The following PLXNA1 variants were observed in gnomAD, a reference collection of about 807,000 sequenced individuals.
PLXNA1 encodes plexin A1, also known as plexin-A1.
A neutral mutation model predicts 191.7 loss-of-function variants in PLXNA1; 77 were observed. The observed-to-expected ratio is 0.40, with a 90% CI of 0.33 to 0.49. PLXNA1 has a LOEUF of 0.49. Among genes scored for constraint, PLXNA1 ranks in the 20% least tolerant of loss-of-function variants. The probability of loss-of-function intolerance (pLI) is 0.63; values close to 1 mark genes in which losing one functional copy is unlikely to be tolerated. For synonymous variants in PLXNA1, 1,137 were observed against 1,156.4 expected, an observed-to-expected ratio of 0.98 and a Z score of 0.34; for missense variants, 2,110 against 2,660.2, an observed-to-expected ratio of 0.79 and a Z score of 4.55.
In PLXNA1 at chr3:127,022,032, G is replaced by T; in HGVS notation, c.4039-53G>T. 3.2e-6 allele frequency: 5 copies of T among 1,579,878 alleles called. No homozygotes were observed. The Admixed American group carries it at 8.5e-5, about 27-fold the overall frequency. On this transcript the variant is annotated intron_variant, in intron 21 of 31. Transcript: ENST00000393409. ...TGGACAGCCCCTCACTGGTCAGCTT[G>T]GGGGCTGGGGCTGGGTGCTTCTCTG...
At chr3:126,988,260 C>T (rs900354179) in intron 1 of PLXNA1, among the ~76,000 whole-genome samples, 5 of 152,194 alleles carry the variant, frequency 3.3e-5, no homozygotes, top group African/African-American at 4.8e-5. Context: ...TCCTGGCCTC[C>T]GCCAGTGATG....
At chr3:126,994,569 C>T (rs1259837374) in intron 3 of PLXNA1, among the ~76,000 whole-genome samples, 10 of 152,170 alleles carry the variant, frequency 6.6e-5, no homozygotes. Flanking sequence ...TGCCTTGGCT[C>T]TGTTATGTCC....
intron 9 of PLXNA1, among the ~76,000 whole-genome samples, chr3:127,008,918 C>T (rs1454410690): frequency 1.3e-5 from 2 of 152,180 alleles, no homozygotes; most frequent in Non-Finnish European, 2.9e-5. Context: ...ACCACAGTGC[C>T]TGTGTCAGGG....
In PLXNA1 at chr3:126,989,716, T is replaced by C; in HGVS notation, c.1123T>C (p.Ser375Pro). The C allele has an allele frequency of 6.2e-7, 1 of 1,613,114 alleles. No individual in the cohort carries two copies. Among genetic ancestry groups the C allele is most frequent in the Non-Finnish European group, 8.5e-7 (1 of 1,180,020 alleles). ...IKEKIKERIQ[S>P]CYRGEGKLSL... ...GGAGAAGATTAAGGAGCGCATCCAG[T>C]CCTGCTACCGTGGTGAGGGCAAGCT... The change falls in exon 2 of 32, where the codon TCC (serine) becomes CCC (proline). Residue 375 changes from serine (S) to proline (P), a missense_variant. Ser to Pro is a moderately conservative substitution (Grantham distance 74). Transcript: ENST00000393409.
At position 127,035,201 on chromosome 3, in the gene PLXNA1, T is replaced by A. The variant is rs1393519320; in HGVS notation, c.*1184T>A. On this transcript the variant is annotated 3_prime_UTR_variant, in exon 32 of 32. Coordinates refer to ENST00000393409, the MANE Select transcript of PLXNA1 (RefSeq NM_032242.4). ...CACCCTTGCCCTCAGCAAGAGAGAATGCATTCTTAAAAGAAAGCTGTACAT... is the reference window on the plus strand; with the variant it reads ...CACCCTTGCCCTCAGCAAGAGAGAAAGCATTCTTAAAAGAAAGCTGTACAT... The A allele has an allele frequency of 6.6e-6, 1 of 152,220 alleles. No homozygotes were observed. Among genetic ancestry groups the A allele is most frequent in the Non-Finnish European group, 1.5e-5 (1 of 68,056 alleles). 9.4% of individuals were successfully genotyped at this position (152,220 alleles called of 1,614,324 possible). A position where few individuals can be genotyped will look rare whatever the true frequency, so the allele number is the denominator to read the frequency against.
chr3:127,024,050 G>T (rs188026872), intron 23 of PLXNA1, among the ~76,000 whole-genome samples: 1 of 152,208 alleles, frequency 6.6e-6, no homozygotes, highest in Admixed American at 6.5e-5. Flanking sequence ...ACAAAGTCGT[G>T]CGTGTCCTGT....
chr3:127,032,743 T>C lies in PLXNA1; in HGVS notation c.5502T>C (p.Tyr1834=). 6.2e-7 allele frequency: 1 copy of C among 1,613,384 alleles called. No homozygotes were observed. Among genetic ancestry groups the C allele is most frequent in the Non-Finnish European group, 8.5e-7 (1 of 1,180,000 alleles). Residue 1834 remains tyrosine (Y), a synonymous_variant, in exon 31 of 32, where the codon TAT becomes TAC. Coordinates refer to ENST00000393409, the MANE Select transcript of PLXNA1 (RefSeq NM_032242.4). ...PAISDQDMSA[Y]LAEQSRLHLS... The stretch of plus-strand genomic sequence containing the variant: ...TCAGCGACCAGGACATGAGTGCGTA[T>C]CTGGCTGAGCAGTCCCGCCTGCACC...
chr3:127,020,062 G>A, intron 20 of PLXNA1, 140 bp from the exon 21 acceptor site: 1 of 1,022,804 alleles, frequency 9.8e-7, no homozygotes, highest in Admixed American at 2.3e-5. Flanking sequence ...GGGGGACGAA[G>A]AGGCACAGTA....
Position 127,030,079 on chromosome 3 carries a change from C to T in PLXNA1, c.5061+15C>T, listed in dbSNP as rs778306890. On this transcript the variant is annotated intron_variant, in intron 28 of 31. Coordinates refer to ENST00000393409, the MANE Select transcript of PLXNA1 (RefSeq NM_032242.4). Reference sequence around the variant, plus strand: ...TGGCCACCAAGGTGGGCCTGGCTGGCAGATGGGGGCAGGGGACGCTGGGCC... The same window carrying T: ...TGGCCACCAAGGTGGGCCTGGCTGGTAGATGGGGGCAGGGGACGCTGGGCC... The T allele has an allele frequency of 1.2e-6, 2 of 1,608,592 alleles. No individual in the cohort carries two copies. Among genetic ancestry groups the T allele is most frequent in the Non-Finnish European group, 1.7e-6 (2 of 1,175,912 alleles).
intron 3 of PLXNA1, among the ~76,000 whole-genome samples, chr3:126,999,898 C>T (rs946619756): frequency 3.3e-5 from 5 of 152,084 alleles, no homozygotes; most frequent in African/African-American, 4.8e-5. Flanking sequence ...GACTGCACTT[C>T]GGTCTCGGCT....
chr3:126,985,785 T>A (rs983618055), intron 1 of PLXNA1, among the ~76,000 whole-genome samples: 2 of 152,266 alleles, frequency 1.3e-5, no homozygotes, highest in African/African-American at 4.8e-5. Flanking sequence ...GGCCCTGCCC[T>A]GCTGGGACTA....
rs765473425 is a variant in PLXNA1 at position 126,989,127 on chromosome 3, G to A, written c.534G>A (p.Pro178=). The stretch of plus-strand genomic sequence containing the variant: ...CGGGCGTGCTCATTGCCGGGCCACC[G>A]GGCCAGGGCCAGGCCAAGCTCTTCG... ...SMAGVLIAGP[P]GQGQAKLFVG... is the part of the protein sequence containing the mutation. The change falls in exon 2 of 32, where the codon CCG becomes CCA. Residue 178 remains proline (P), a synonymous_variant. Transcript: ENST00000393409. 2.0e-5 allele frequency: 33 copies of A among 1,612,992 alleles called. No homozygotes were observed. Among genetic ancestry groups the A allele is most frequent in the Middle Eastern group, 1.6e-4 (1 of 6,082 alleles).
chr3:126,986,270 C>T (rs1353159378), intron 1 of PLXNA1, among the ~76,000 whole-genome samples: 6 of 152,172 alleles, frequency 3.9e-5, no homozygotes, highest in African/African-American at 1.2e-4. Flanking sequence ...TTCTGGCTCC[C>T]GGGTCTTCCT....
chr3:127,002,344 C>T (rs1039024171), intron 3 of PLXNA1, among the ~76,000 whole-genome samples: 8 of 152,256 alleles, frequency 5.3e-5, no homozygotes, highest in Admixed American at 4.6e-4. Context: ...CTCTCCCAGC[C>T]GACAGCCTCT....
intron 3 of PLXNA1, among the ~76,000 whole-genome samples, chr3:126,998,237 A>G (rs913443122): frequency 3.3e-5 from 5 of 151,998 alleles, no homozygotes; most frequent in African/African-American, 9.7e-5. Context: ...TTCACCAGAG[A>G]AGGTGGCTGG....
At chr3:127,015,349 T>C in intron 15 of PLXNA1, 29 bp downstream of exon 15, 1 of 1,580,156 alleles carries the variant, frequency 6.3e-7, no homozygotes, top group Non-Finnish European at 8.6e-7. Flanking sequence ...GGTGGGGGCC[T>C]GGCTGCCCCT....
rs754778777 is a variant in PLXNA1 at position 127,015,283 on chromosome 3, G to A, written c.2977G>A (p.Ala993Thr). The change falls in exon 15 of 32, where the codon GCT (alanine) becomes ACT (threonine). Residue 993 changes from alanine (A) to threonine (T), a missense_variant. By Grantham distance (58) the Ala-to-Thr change is moderately conservative (BLOSUM62 0). Around this residue, in one of 4 missense-constraint regions of PLXNA1, gnomAD observed 644 missense variants for 714.3 expected, o/e 0.90. Coordinates refer to ENST00000393409, the MANE Select transcript of PLXNA1 (RefSeq NM_032242.4). ...GSHLNAGSDV[A>T]VSVGGRPCSF... ...CCACCTGAACGCAGGCAGTGATGTG[G>A]CTGTGTCGGTCGGTGGCCGGCCCTG... 2 of 1,611,844 alleles carry A rather than the reference G, an allele frequency of 1.2e-6. No homozygotes were observed. The highest frequency in any genetic ancestry group is 4.5e-5 in the East Asian group (2 of 44,826).
At chr3:126,997,682 G>T (rs1167997544) in intron 3 of PLXNA1, among the ~76,000 whole-genome samples, 1 of 152,258 alleles carries the variant, frequency 6.6e-6, no homozygotes, top group Non-Finnish European at 1.5e-5. Context: ...CCATGAGGAT[G>T]CAGGGAGCGA....
At position 127,029,984 on chromosome 3, in the gene PLXNA1, G is replaced by A. The variant is rs770125385; in HGVS notation, c.4981G>A (p.Asp1661Asn). Residue 1661 changes from aspartate to asparagine, a missense_variant, in exon 28 of 32, where the codon GAC (aspartate) becomes AAC (asparagine). Around this residue, in one of 4 missense-constraint regions of PLXNA1, gnomAD observed 559 missense variants for 911.5 expected, o/e 0.61. Transcript: ENST00000393409. ...GCTGTGGCACCTGGTGAAGAACCAC[G>A]ACCACCTGGACCAGCGTGAGGGTGA... ...TKLWHLVKNH[D>N]HLDQREGDRG... 8 of 1,613,656 alleles carry A rather than the reference G, an allele frequency of 5.0e-6. No homozygotes were observed. Among genetic ancestry groups the A allele is most frequent in the African/African-American group, 1.3e-5 (1 of 74,946 alleles).
Sources: allele counts gnomAD v4.1 joint callset (sites outside exome capture counted in the v4.1 genomes callset), GRCh38; gene constraint gnomAD v4.1.1; regional missense constraint gnomAD v4.1.1; transcripts MANE v1.5; gene names NCBI Gene and HGNC (gene_info 2026-07-23, HGNC 2026-07-21).